Variants in AKR1C4 observed in about 807,000 individuals in gnomAD.
AKR1C4 encodes the protein 3-alpha-HSD1.
Under a neutral mutation model 41.0 loss-of-function variants are expected in AKR1C4, and 44 were observed. That is an observed-to-expected ratio of 1.07 (90% confidence interval 0.84 to 1.38). The LOEUF is 1.38. Ranked by LOEUF, AKR1C4 falls within the 40% of genes most tolerant of loss-of-function variation. AKR1C4 has a pLI of 0.00. For missense variants in AKR1C4, 438 were observed against 387.9 expected, an observed-to-expected ratio of 1.13 and a Z score of -1.09; for synonymous variants, 165 against 137.7, an observed-to-expected ratio of 1.20 and a Z score of -1.39.
At chr10:5,200,595 ATTATT>A (rs1322976865) in intron 2 of AKR1C4, among the ~76,000 whole-genome samples, 5 of 152,192 alleles carry the variant, frequency 3.3e-5, no homozygotes, top group Admixed American at 6.5e-5. Context: ...GATCAGTATA[ATTATT>A]TTATGAATTC....
rs782428027 is a variant in AKR1C4, at chr10:5,204,512, C to A, written c.369+19C>A. On this transcript the variant is annotated intron_variant, in intron 3 of 8. Coordinates refer to ENST00000263126, the MANE Select transcript of AKR1C4 (RefSeq NM_001818.5). ...TCTCAAGGTAGGGAATTTGTGAGAT[C>A]AACTTCTCTTCTGTTCTCAGCATGA... The A allele has an allele frequency of 6.6e-7, 1 of 1,524,560 alleles. No homozygotes were observed. The allele number at this position is 1,524,560 out of a possible 1,614,324, so 94.4% of individuals were successfully genotyped here.
At chr10:5,203,619 C>A (rs2132127627) in intron 2 of AKR1C4, among the ~76,000 whole-genome samples, 1 of 152,322 alleles carries the variant, frequency 6.6e-6, no homozygotes, top group Middle Eastern at 3.4e-3. Context: ...TAGCCTGCCA[C>A]TTCTTTCAAA....
At chr10:5,207,839 G>A in intron 5 of AKR1C4, 1 of 279,306 alleles carries the variant, frequency 3.6e-6, no homozygotes. Flanking sequence ...TTTCCTGTAT[G>A]CCCTCCTGGG....
At chr10:5,198,420 G>C (rs1832344754) in intron 1 of AKR1C4, among the ~76,000 whole-genome samples, 1 of 152,172 alleles carries the variant, frequency 6.6e-6, no homozygotes, top group South Asian at 2.1e-4. Flanking sequence ...TTAACTGGTT[G>C]TACAAAGTGT....
At position 5,208,007 on chromosome 10, in the gene AKR1C4, A is replaced by T. The variant is rs1168031359; in HGVS notation, c.570+1610A>T. Among the ~76,000 whole-genome samples, 2 of 151,774 alleles carry T rather than the reference A, an allele frequency of 1.3e-5. 1 individual carries two copies. The highest frequency in any genetic ancestry group is 4.9e-5 in the African/African-American group (2 of 41,028). ...GGAAGTCAAGCAAGTATAGTAAATT[A>T]ACCAGAACACAATTGTGGAAATTTG... On this transcript the variant is annotated intron_variant, in intron 5 of 8. Coordinates refer to ENST00000263126, the MANE Select transcript of AKR1C4 (RefSeq NM_001818.5).
Position 5,218,895 on chromosome 10 carries a change from C to A in AKR1C4, c.*135C>A. The A allele has an allele frequency of 1.5e-6, 1 of 661,800 alleles. No homozygotes were observed. Among genetic ancestry groups the A allele is most frequent in the Non-Finnish European group, 2.6e-6 (1 of 384,278 alleles). 41.0% of individuals were successfully genotyped at this position (661,800 alleles called of 1,614,324 possible). On this transcript the variant is annotated 3_prime_UTR_variant, in exon 9 of 9. Coordinates refer to ENST00000263126, the MANE Select transcript of AKR1C4 (RefSeq NM_001818.5). ...CCTCCTGCTTGGCAACTTCAGCTAG[C>A]TAGATATATCCATGGTCCAGAAAGC...
chr10:5,216,152 G>A (rs2132141650), intron 7 of AKR1C4, among the ~76,000 whole-genome samples: 1 of 152,172 alleles, frequency 6.6e-6, no homozygotes, highest in South Asian at 2.1e-4. Flanking sequence ...AACAAGAGAT[G>A]AAGAGGGAAA....
At chr10:5,213,614 G>T (rs1272644532) in intron 7 of AKR1C4, among the ~76,000 whole-genome samples, 8 of 152,128 alleles carry the variant, frequency 5.3e-5, no homozygotes, top group African/African-American at 1.9e-4. Context: ...ATGTGTAGAA[G>T]ATCATAATTA....
intron 3 of AKR1C4, among the ~76,000 whole-genome samples, chr10:5,205,415 C>A (rs1186058715): frequency 6.6e-6 from 1 of 152,178 alleles, no homozygotes; most frequent in Non-Finnish European, 1.5e-5. Flanking sequence ...ATCAAGAATA[C>A]AATCCCTTAT....
intron 7 of AKR1C4, among the ~76,000 whole-genome samples, chr10:5,215,916 T>C (rs1359518478): frequency 6.6e-6 from 1 of 152,174 alleles, no homozygotes; most frequent in Non-Finnish European, 1.5e-5. Flanking sequence ...CACTACCACA[T>C]TTTCAGACAT....
At chr10:5,197,029 C>A in intron 1 of AKR1C4, 78 bp downstream of exon 1, 3 of 1,413,096 alleles carry the variant, frequency 2.1e-6, no homozygotes, top group Non-Finnish European at 3.0e-6. Context: ...GGTTGTTCAG[C>A]TTTGTGTTTC....
At chr10:5,202,939 T>TGTGTGTGTGTG (rs1832423115) in intron 2 of AKR1C4, among the ~76,000 whole-genome samples, 13 of 139,270 alleles carry the variant, frequency 9.3e-5, no homozygotes, top group African/African-American at 3.6e-4. Flanking sequence ...TAGTTTTCTT[T>TGTGTGTGTGTG]TGTGTGTGTG....
chr10:5,204,270 A>T (rs1488484799), intron 2 of AKR1C4, 107 bp from the exon 3 acceptor site: 1 of 829,420 alleles, frequency 1.2e-6, no homozygotes, highest in Admixed American at 2.3e-5. Flanking sequence ...TTTTTGCCAG[A>T]GGTCATCTGT....
intron 8 of AKR1C4, among the ~76,000 whole-genome samples, chr10:5,217,553 A>T (rs1554798646): frequency 6.6e-6 from 1 of 152,254 alleles, no homozygotes; most frequent in Non-Finnish European, 1.5e-5. Flanking sequence ...TGAAGTCAGA[A>T]GTTTCAGACC....
At chr10:5,196,973 T>C (rs1832320684) in intron 1 of AKR1C4, 22 bp downstream of exon 1, 6 of 1,610,298 alleles carry the variant, frequency 3.7e-6, no homozygotes, top group African/African-American at 1.3e-5. Flanking sequence ...ATTTTCAGCA[T>C]TGAGCATTTA....
At position 5,218,825 on chromosome 10, in the gene AKR1C4, C is replaced by T. The variant is rs1554798854; in HGVS notation, c.*65C>T. The T allele has an allele frequency of 9.0e-7, 1 of 1,112,802 alleles. No homozygotes were observed. The highest frequency in any genetic ancestry group is 1.5e-5 in the African/African-American group (1 of 68,144). The allele number at this position is 1,112,802 out of a possible 1,614,324, so 68.9% of individuals were successfully genotyped here. A position where few individuals can be genotyped will look rare whatever the true frequency, so the allele number is the denominator to read the frequency against. On this transcript the variant is annotated 3_prime_UTR_variant, in exon 9 of 9. Coordinates refer to ENST00000263126, the MANE Select transcript of AKR1C4 (RefSeq NM_001818.5). ...GTGTGGATGGTGATGCAGAGGATGT[C>T]TCTATGCTGGTGACTGGACACACAG...
chr10:5,203,495 C>A (rs1268743303), intron 2 of AKR1C4, among the ~76,000 whole-genome samples: 1 of 152,194 alleles, frequency 6.6e-6, no homozygotes, highest in African/African-American at 2.4e-5. Context: ...TAAGGCCTTA[C>A]CCATGGCCTG....
At chr10:5,208,024 G>T (rs1199351546) in intron 5 of AKR1C4, among the ~76,000 whole-genome samples, 1 of 146,870 alleles carries the variant, frequency 6.8e-6, no homozygotes, top group African/African-American at 2.7e-5. Context: ...ACACAATTGT[G>T]GAAATTTGAT....
In AKR1C4 at chr10:5,218,795, C is replaced by A. The variant is rs1207863403; in HGVS notation, c.*35C>A. On this transcript the variant is annotated 3_prime_UTR_variant, in exon 9 of 9. Coordinates refer to ENST00000263126, the MANE Select transcript of AKR1C4 (RefSeq NM_001818.5). ...TGTTGCACGACATCTAGCAGAAGGC[C>A]CTGTGTGTGGATGGTGATGCAGAGG... is the stretch of plus-strand genomic sequence containing the variant. 7.6e-6 allele frequency: 12 copies of A among 1,575,382 alleles called. No individual in the cohort carries two copies. The highest frequency in any genetic ancestry group is 1.0e-5 in the Non-Finnish European group (12 of 1,145,284).
Sources: gnomAD v4.1 joint callset for allele counts (sites outside exome capture counted in the v4.1 genomes callset) on GRCh38, gnomAD v4.1.1 for gene constraint, MANE v1.5 for transcripts, NCBI Gene and HGNC (gene_info 2026-07-23, HGNC 2026-07-21) for gene names.